HDAC4: variants seen among roughly 807,000 people sequenced by gnomAD.
HDAC4 encodes the protein histone deacetylase 4.
Under a neutral mutation model 135.1 loss-of-function variants are expected in HDAC4, and 16 were observed. That is an observed-to-expected ratio of 0.12 (90% CI 0.08 to 0.18). The LOEUF (loss-of-function observed/expected upper bound fraction) is 0.18. Ranked by LOEUF, HDAC4 falls within the 10% of genes least tolerant of loss-of-function variation. HDAC4 has a pLI of 1.00. For synonymous variants in HDAC4, 685 were observed against 653.4 expected, an observed-to-expected ratio of 1.05 and a Z score of -0.74; for missense variants, 1,143 against 1,511.8, an observed-to-expected ratio of 0.76 and a Z score of 4.05.
At chr2:239,134,674 G>A in intron 9 of HDAC4, 31 bp from the exon 10 acceptor site, 1 of 1,524,246 alleles carries the variant, frequency 6.6e-7, no homozygotes, top group South Asian at 1.1e-5. Context: ...GACCATCACA[G>A]TCTGTCACGG....
intron 2 of HDAC4, among the ~76,000 whole-genome samples, chr2:239,263,827 G>C (rs1262866491): frequency 1.3e-5 from 2 of 152,182 alleles, no homozygotes; most frequent in East Asian, 3.9e-4. Context: ...GTCCGACTCG[G>C]CTGAGCCTCG....
intron 12 of HDAC4, among the ~76,000 whole-genome samples, chr2:239,124,588 GCA>G (rs2039981526): frequency 8.2e-6 from 1 of 122,214 alleles, no homozygotes; most frequent in African/African-American, 4.7e-5. Context: ...GCATGTGGCC[GCA>G]CGTCATTCCA....
At chr2:239,288,746 G>A (rs758089963) in intron 2 of HDAC4, among the ~76,000 whole-genome samples, 2 of 151,920 alleles carry the variant, frequency 1.3e-5, no homozygotes, top group African/African-American at 2.4e-5. Flanking sequence ...AACTTGACAC[G>A]TACAAGACCT....
intron 3 of HDAC4, among the ~76,000 whole-genome samples, chr2:239,211,833 A>G (rs2046366192): frequency 6.6e-6 from 1 of 152,220 alleles, no homozygotes; most frequent in African/African-American, 2.4e-5. Context: ...TTTCAAAAAT[A>G]AGCCCCGAAA....
At chr2:239,260,107 CT>C (rs554037638) in intron 2 of HDAC4, among the ~76,000 whole-genome samples, 2 of 152,354 alleles carry the variant, frequency 1.3e-5, no homozygotes, top group African/African-American at 4.8e-5. Context: ...TGAGCAATTC[CT>C]TTTGGTGAAG....
rs923227281 is a variant in HDAC4, at chr2:239,146,290, C to A, written c.734-1576G>T. 1.3e-5 allele frequency among the ~76,000 whole-genome samples: 2 copies of A among 151,356 alleles called. No homozygotes were observed. The highest frequency in any genetic ancestry group is 4.9e-5 in the African/African-American group (2 of 41,116). On this transcript the variant is annotated intron_variant, in intron 7 of 26. Coordinates refer to ENST00000543185, the MANE Select transcript of HDAC4 (RefSeq NM_001378414.1). This position sits in a 1 kb window ranked among gnomAD's most constrained non-coding sequence, Gnocchi z 4.5. ...TGATGACTAGGCAAGAAAACAGTAC[C>A]TCTTCTCTCACCACCAGATCTCCAC...
In HDAC4 at chr2:239,053,531, G is replaced by A. The variant is rs774333411; in HGVS notation, c.3159C>T (p.Cys1053=). 3.2e-5 allele frequency: 51 copies of A among 1,613,768 alleles called. No homozygotes were observed. Among genetic ancestry groups the A allele is most frequent in the South Asian group, 1.2e-4 (11 of 91,092 alleles). The change falls in exon 26 of 27, where the codon TGC becomes TGT. Residue 1053 remains cysteine (C), a synonymous_variant. Coordinates refer to ENST00000543185, the MANE Select transcript of HDAC4 (RefSeq NM_001378414.1). ...AGRSLIEAQT[C]ENEEAETVTA... ...TGACCGTCTCGGCTTCTTCGTTCTC[G>A]CAAGTCTGAGCCTCGATCAGAGAAC...
chr2:239,373,411 T>C (rs900437558), intron 1 of HDAC4, among the ~76,000 whole-genome samples: 12 of 152,230 alleles, frequency 7.9e-5, no homozygotes, highest in African/African-American at 2.9e-4. Context: ...CATTTTCTAA[T>C]GTTGGTCTTT....
chr2:239,295,321 A>AG, intron 2 of HDAC4, among the ~76,000 whole-genome samples: 1 of 151,034 alleles, frequency 6.6e-6, no homozygotes, highest in East Asian at 1.9e-4. Flanking sequence ...AAAAAAAAAA[A>AG]AAAAAAAAAA....
intron 12 of HDAC4, among the ~76,000 whole-genome samples, chr2:239,119,525 AGCTGAGGGTGTGGGGACCAGAGCTAAGG>A (rs542197464): frequency 0.025 from 3,521 of 141,242 alleles, 105 homozygotes; most frequent in African/African-American, 0.074. Context: ...CAGAGCTCAG[AGCTGAGGGTGTGGGGACCAGAGCTAAGG>A]GCTGAGGGCG....
chr2:239,371,902 C>T (rs1055147362), intron 1 of HDAC4, among the ~76,000 whole-genome samples: 1 of 152,178 alleles, frequency 6.6e-6, no homozygotes, highest in African/African-American at 2.4e-5. Context: ...AGTGAAGAGC[C>T]CGTGGAGGGG....
intron 2 of HDAC4, among the ~76,000 whole-genome samples, chr2:239,273,783 G>A (rs902137951): frequency 1.3e-5 from 2 of 152,232 alleles, no homozygotes; most frequent in South Asian, 4.1e-4. Context: ...ATAGACTGGA[G>A]AGCAAGAGGG....
chr2:239,079,795 C>A (rs533539016), intron 22 of HDAC4, among the ~76,000 whole-genome samples: 1 of 152,270 alleles, frequency 6.6e-6, no homozygotes, highest in African/African-American at 2.4e-5. Context: ...CAAAGACACA[C>A]AAGCACACGT....
At chr2:239,305,929 A>T (rs1233146466) in intron 2 of HDAC4, among the ~76,000 whole-genome samples, 1 of 152,246 alleles carries the variant, frequency 6.6e-6, no homozygotes, top group Non-Finnish European at 1.5e-5. Flanking sequence ...GAGACCACGG[A>T]GGAACCGTGA....
chr2:239,194,245 C>T (rs1173674057), intron 3 of HDAC4, among the ~76,000 whole-genome samples: 1 of 152,240 alleles, frequency 6.6e-6, no homozygotes, highest in Non-Finnish European at 1.5e-5. Context: ...ATCCAGTCTA[C>T]TCAAGAGCTA....
rs558882598 is a variant in HDAC4 at position 239,253,950 on chromosome 2, C to T, written c.23-17286G>A. Among the ~76,000 whole-genome samples the T allele has an allele frequency of 5.3e-5, 8 of 152,174 alleles. No individual in the cohort carries two copies. In the South Asian group the frequency reaches 1.7e-3, roughly 32 times the overall value. On this transcript the variant is annotated intron_variant, in intron 2 of 26. Coordinates refer to ENST00000543185, the MANE Select transcript of HDAC4 (RefSeq NM_001378414.1). ...GTGTCCGGGCAGAACTCTTGGAGGA[C>T]TGTCTGGTCTATGAAAAGAGAACTA...
intron 3 of HDAC4, among the ~76,000 whole-genome samples, chr2:239,211,384 C>T (rs2046347598): frequency 3.3e-5 from 5 of 152,116 alleles, no homozygotes. Context: ...TCCTGGGGGC[C>T]GAAAGTCCTG....
chr2:239,362,622 C>T (rs916075172), intron 1 of HDAC4, among the ~76,000 whole-genome samples: 4 of 152,142 alleles, frequency 2.6e-5, no homozygotes, highest in Admixed American at 2.0e-4. Flanking sequence ...GGTGACGGAA[C>T]GGCCAGTGCT....
intron 3 of HDAC4, among the ~76,000 whole-genome samples, chr2:239,208,793 A>C (rs2046207445): frequency 6.6e-6 from 1 of 152,246 alleles, no homozygotes; most frequent in Non-Finnish European, 1.5e-5. Flanking sequence ...ACCTAACATA[A>C]GAAACAAAAA....
Sources: gnomAD v4.1 joint callset for allele counts (sites outside exome capture counted in the v4.1 genomes callset) on GRCh38, gnomAD v4.1.1 for gene constraint, Gnocchi (gnomAD v3.1) non-coding constraint, MANE v1.5 for transcripts, NCBI Gene and HGNC (gene_info 2026-07-23, HGNC 2026-07-21) for gene names.